Variants in TMEM39B observed in about 807,000 individuals in gnomAD.
The protein encoded by TMEM39B is transmembrane protein 39B.
Under a neutral mutation model 52.2 loss-of-function variants are expected in TMEM39B, and 23 were observed. The observed-to-expected ratio is 0.44, with a 90% CI of 0.32 to 0.62. TMEM39B has a LOEUF of 0.62. Among genes scored for constraint, TMEM39B ranks in the 20% least tolerant of loss-of-function variants. TMEM39B has a pLI of 0.06. For missense variants in TMEM39B, 547 were observed against 642.0 expected, an observed-to-expected ratio of 0.85 and a Z score of 1.60; for synonymous variants, 285 against 264.0, an observed-to-expected ratio of 1.08 and a Z score of -0.77.
chr1:32,101,437 T>C (rs544564898), intron 8 of TMEM39B, among the ~76,000 whole-genome samples: 21 of 151,352 alleles, frequency 1.4e-4, no homozygotes, highest in Admixed American at 9.2e-4. Context: ...CCTCCCCCCC[T>C]TTTTTAAAAA....
rs753361246 is a variant in TMEM39B, at chr1:32,094,978, C to A, written c.1115+7C>A. 1.1e-5 allele frequency: 17 copies of A among 1,612,078 alleles called. No homozygotes were observed. In the South Asian group the frequency reaches 1.9e-4, roughly 18 times the overall value. On this transcript the variant is annotated splice_region_variant and intron_variant, in intron 7 of 8. Coordinates refer to ENST00000336294, the MANE Select transcript of TMEM39B (RefSeq NM_018056.4). ...CCAACGTGCTGCAGCACCCGTGAGT[C>A]ACCCTACCCTGCTCAACCCAATCCC...
At position 32,102,744 on chromosome 1, in the gene TMEM39B, G is replaced by A; in HGVS notation, c.*71G>A. 7.1e-7 allele frequency: 1 copy of A among 1,399,310 alleles called. No homozygotes were observed. The highest frequency in any genetic ancestry group is 9.3e-7 in the Non-Finnish European group (1 of 1,069,594). 86.7% of individuals were successfully genotyped at this position (1,399,310 alleles called of 1,614,324 possible). A position where few individuals can be genotyped will look rare whatever the true frequency, so the allele number is the denominator to read the frequency against. ...CTCCCTGGCAAGGGGCTGTTGGGTAGAAGTGGTGGTGGGGGGGACAAAAGA... is the reference window on the plus strand; with the variant it reads ...CTCCCTGGCAAGGGGCTGTTGGGTAAAAGTGGTGGTGGGGGGGACAAAAGA... On this transcript the variant is annotated 3_prime_UTR_variant, in exon 9 of 9. Transcript: ENST00000336294.
chr1:32,084,014 A>G (rs1640232077), intron 5 of TMEM39B, among the ~76,000 whole-genome samples: 2 of 132,132 alleles, frequency 1.5e-5, no homozygotes. Flanking sequence ...CACACACACA[A>G]ATGTTCCTAG....
intron 5 of TMEM39B, among the ~76,000 whole-genome samples, chr1:32,089,131 ATTT>A (rs746806785): frequency 1.2e-4 from 15 of 130,186 alleles, no homozygotes; most frequent in Non-Finnish European, 1.3e-4. Flanking sequence ...AGAGCTGGGA[ATTT>A]TTTTTTTTTT....
At chr1:32,090,999 G>A (rs1180994017) in intron 5 of TMEM39B, among the ~76,000 whole-genome samples, 1 of 152,008 alleles carries the variant, frequency 6.6e-6, no homozygotes, top group East Asian at 1.9e-4. Context: ...TGTTGCCCAG[G>A]CTGGTCTTGA....
chr1:32,082,602 G>C (rs1305105897), intron 5 of TMEM39B, among the ~76,000 whole-genome samples: 2 of 150,368 alleles, frequency 1.3e-5, no homozygotes, highest in African/African-American at 2.4e-5. Context: ...TTACAGGTGT[G>C]CACCACCACG....
intron 7 of TMEM39B, among the ~76,000 whole-genome samples, chr1:32,098,389 C>T (rs1640893280): frequency 6.6e-6 from 1 of 152,070 alleles, no homozygotes; most frequent in Non-Finnish European, 1.5e-5. Flanking sequence ...ACTTGCAGTC[C>T]TCTGGTCCAG....
Position 32,091,892 on chromosome 1 carries a change from C to A in TMEM39B, c.808C>A (p.Leu270Ile). Residue 270 changes from leucine (L) to isoleucine (I), a missense_variant, in exon 6 of 9, where the codon CTC becomes ATC. Leu to Ile is a conservative substitution (Grantham distance 5). Coordinates refer to ENST00000336294, the MANE Select transcript of TMEM39B (RefSeq NM_018056.4). Reference sequence around the variant, plus strand: ...CCATGCCTGCTGCCTGTCACCCAGCCTCATCCGCAGTGAGGTGGAGTTCCT... The same window carrying A: ...CCATGCCTGCTGCCTGTCACCCAGCATCATCCGCAGTGAGGTGGAGTTCCT... ...PTHACCLSPS[L>I]IRSEVEFLKM... The A allele has an allele frequency of 1.2e-6, 2 of 1,614,228 alleles. No individual in the cohort carries two copies. The highest frequency in any genetic ancestry group is 1.7e-6 in the Non-Finnish European group (2 of 1,180,042).
chr1:32,073,667 A>G (rs1639735077), intron 1 of TMEM39B: 1 of 985,656 alleles, frequency 1.0e-6, no homozygotes, highest in African/African-American at 1.7e-5. Context: ...AGCCAAGTAT[A>G]ACAGCGTATG....
At chr1:32,084,033 T>G (rs1406192257) in intron 5 of TMEM39B, among the ~76,000 whole-genome samples, 1 of 147,000 alleles carries the variant, frequency 6.8e-6, no homozygotes. Context: ...AGTGTCAAGG[T>G]GAAATGATTT....
intron 5 of TMEM39B, among the ~76,000 whole-genome samples, chr1:32,084,616 G>C (rs189620250): frequency 1.3e-3 from 192 of 151,968 alleles, no homozygotes; most frequent in African/African-American, 3.5e-3. Context: ...GTCGCCCAGG[G>C]TGGAGTGCAA....
At chr1:32,098,339 A>G (rs1167835247) in intron 7 of TMEM39B, among the ~76,000 whole-genome samples, 1 of 152,004 alleles carries the variant, frequency 6.6e-6, no homozygotes, top group Non-Finnish European at 1.5e-5. Flanking sequence ...TCAGCAAGGC[A>G]AGAGCATTGG....
intron 5 of TMEM39B, among the ~76,000 whole-genome samples, chr1:32,078,245 A>T (rs1166025834): frequency 2.0e-5 from 3 of 152,154 alleles, no homozygotes; most frequent in African/African-American, 7.2e-5. Context: ...AGCACTTTGG[A>T]GGCCAAGACA....
At chr1:32,081,747 C>CA (rs1557914937) in intron 5 of TMEM39B, among the ~76,000 whole-genome samples, 2 of 150,744 alleles carry the variant, frequency 1.3e-5, no homozygotes, top group African/African-American at 2.4e-5. Flanking sequence ...GACTCTGTCT[C>CA]AAAAAAAAGA....
At chr1:32,075,963 G>A (rs1368685862) in intron 3 of TMEM39B, 141 bp downstream of exon 3, 13 of 594,838 alleles carry the variant, frequency 2.2e-5, no homozygotes, top group Non-Finnish European at 3.2e-5. Flanking sequence ...CATGGAAGGT[G>A]CTGAAGGAAC....
Position 32,094,826 on chromosome 1 carries a change from C to G in TMEM39B, c.970C>G (p.Leu324Val), listed in dbSNP as rs200998933. Residue 324 changes from leucine to valine, a missense_variant, in exon 7 of 9, where the codon CTG (leucine) becomes GTG (valine). By Grantham distance (32) the Leu-to-Val change is conservative (BLOSUM62 1). Transcript: ENST00000336294. The part of the protein sequence containing the change: ...YDKRWSCELF[L>V]LVSISTSVIL... ...CAAGCGCTGGTCCTGTGAACTCTTC[C>G]TGCTGGTGTCCATCAGCACCTCCGT... is the stretch of plus-strand genomic sequence containing the variant. The G allele has an allele frequency of 7.6e-5, 123 of 1,614,232 alleles. 1 individual carries two copies. The Middle Eastern group carries it at 1.6e-3, about 22-fold the overall frequency.
At chr1:32,075,207 GA>G (rs1302305091) in intron 2 of TMEM39B, 130 bp downstream of exon 2, 2 of 1,317,070 alleles carry the variant, frequency 1.5e-6, no homozygotes, top group East Asian at 5.2e-5. Flanking sequence ...GTAAGCAGCA[GA>G]AAAGATCCAG....
chr1:32,076,710 C>T, intron 3 of TMEM39B, 53 bp from the exon 4 acceptor site: 1 of 1,576,734 alleles, frequency 6.3e-7, no homozygotes. Flanking sequence ...ATGAAAAAAG[C>T]CTGCATATGG....
intron 7 of TMEM39B, among the ~76,000 whole-genome samples, chr1:32,097,333 C>CTTT (rs1033574033): frequency 7.2e-6 from 1 of 138,998 alleles, no homozygotes. Flanking sequence ...CCAACTTCTT[C>CTTT]TTTTTTTTTT....
Sources: gnomAD v4.1 joint callset for allele counts (sites outside exome capture counted in the v4.1 genomes callset) on GRCh38, gnomAD v4.1.1 for gene constraint, MANE v1.5 for transcripts, NCBI Gene and HGNC (gene_info 2026-07-23, HGNC 2026-07-21) for gene names.